NCOA1: variants seen among roughly 807,000 people sequenced by gnomAD.
The protein encoded by NCOA1 is Hin-2 protein.
In NCOA1, 35 loss-of-function variants were observed where a neutral mutation model predicts 150.9. The ratio of observed to expected loss-of-function variants is 0.23; its 90% CI spans 0.18 to 0.31. NCOA1 has a LOEUF of 0.31. Among genes scored for constraint, NCOA1 ranks in the 10% least tolerant of loss-of-function variants. The pLI is 1.00. For synonymous variants in NCOA1, 590 were observed against 630.0 expected (o/e 0.94, Z 0.95); for missense variants, 1,491 against 1,749.3 (o/e 0.85, Z 2.63).
At chr2:24,540,928 A>G (rs569723259) in intron 1 of NCOA1, among the ~76,000 whole-genome samples, 1 of 152,304 alleles carries the variant, frequency 6.6e-6, no homozygotes, top group Non-Finnish European at 1.5e-5. Flanking sequence ...TGATTGGTTG[A>G]GTGGAGAGAT....
At chr2:24,756,754 A>G (rs930553967) in intron 20 of NCOA1, among the ~76,000 whole-genome samples, 2 of 152,198 alleles carry the variant, frequency 1.3e-5, no homozygotes, top group African/African-American at 4.8e-5. Context: ...ATCTGTATCA[A>G]TGAAAATTTT....
At chr2:24,710,218 C>G (rs1346787947) in intron 13 of NCOA1, among the ~76,000 whole-genome samples, 1 of 152,088 alleles carries the variant, frequency 6.6e-6, no homozygotes, top group Non-Finnish European at 1.5e-5. Context: ...CTCAGCCCCA[C>G]TAGTAGCTGG....
At chr2:24,731,219 A>G (rs1662995470) in intron 17 of NCOA1, among the ~76,000 whole-genome samples, 1 of 152,202 alleles carries the variant, frequency 6.6e-6, no homozygotes. Context: ...AGAAGGAGAT[A>G]AATTATACTG....
chr2:24,602,392 G>A (rs1188403030), intron 3 of NCOA1, among the ~76,000 whole-genome samples: 1 of 151,924 alleles, frequency 6.6e-6, no homozygotes, highest in East Asian at 1.9e-4. Context: ...GTAGATATGG[G>A]GTCTCACCAT....
At position 24,728,239 on chromosome 2, in the gene NCOA1, A is replaced by G. The variant is rs1055578255; in HGVS notation, c.2718-69A>G. 3.6e-6 allele frequency: 5 copies of G among 1,388,324 alleles called. No homozygotes were observed. The South Asian group carries it at 4.4e-5, about 12-fold the overall frequency. 86.0% of individuals were successfully genotyped at this position (1,388,324 alleles called of 1,614,324 possible). On this transcript the variant is annotated intron_variant, in intron 15 of 22. Transcript: ENST00000348332. ...TCTAAGACCAAATTTGCATCTATAT[A>G]TGTATATAAAGATTGAATAAATTAT... is the stretch of plus-strand genomic sequence containing the variant.
intron 3 of NCOA1, among the ~76,000 whole-genome samples, chr2:24,627,994 A>C (rs1669508829): frequency 6.6e-6 from 1 of 152,250 alleles, no homozygotes; most frequent in South Asian, 2.1e-4. Flanking sequence ...TCTGTGCCTA[A>C]TTCCTTATAT....
chr2:24,730,939 G>A (rs1160750328), intron 17 of NCOA1, among the ~76,000 whole-genome samples: 1 of 148,752 alleles, frequency 6.7e-6, no homozygotes, highest in Non-Finnish European at 1.5e-5. Context: ...TCTGGAGGTT[G>A]AGGCAGGAGA....
intron 1 of NCOA1, among the ~76,000 whole-genome samples, chr2:24,543,249 G>GA (rs1241449427): frequency 1.3e-5 from 2 of 152,136 alleles, no homozygotes; most frequent in Non-Finnish European, 2.9e-5. Context: ...GGAAGCAAGA[G>GA]AATTCTAGGA....
chr2:24,714,498 AC>A (rs1673918762), intron 14 of NCOA1, among the ~76,000 whole-genome samples: 1 of 150,954 alleles, frequency 6.6e-6, no homozygotes, highest in South Asian at 2.1e-4. Context: ...GATATAAACT[AC>A]AAAAAAAAAG....
At chr2:24,703,809 T>C (rs1265727858) in intron 11 of NCOA1, among the ~76,000 whole-genome samples, 1 of 152,202 alleles carries the variant, frequency 6.6e-6, no homozygotes, top group African/African-American at 2.4e-5. Context: ...TTTAAGCCTC[T>C]TTCTCATGGC....
intron 3 of NCOA1, among the ~76,000 whole-genome samples, chr2:24,600,596 A>T (rs548065234): frequency 6.6e-6 from 1 of 152,308 alleles, no homozygotes; most frequent in African/African-American, 2.4e-5. Flanking sequence ...TTATTTGCAC[A>T]TAGTCCTGAC....
chr2:24,734,004 G>A (rs553750447), intron 17 of NCOA1, among the ~76,000 whole-genome samples: 11 of 152,080 alleles, frequency 7.2e-5, no homozygotes, highest in African/African-American at 2.7e-4. Context: ...GGCCAACATG[G>A]TGAAGCCCCG....
intron 3 of NCOA1, among the ~76,000 whole-genome samples, chr2:24,593,794 A>G (rs2148340235): frequency 6.6e-6 from 1 of 152,266 alleles, no homozygotes; most frequent in Non-Finnish European, 1.5e-5. Context: ...GTATTCACAT[A>G]TGAAGTCTGC....
chr2:24,753,618 A>C (rs991767789), intron 20 of NCOA1, among the ~76,000 whole-genome samples: 1 of 152,178 alleles, frequency 6.6e-6, no homozygotes, highest in Non-Finnish European at 1.5e-5. Context: ...TCTTTCTTGA[A>C]GCTCTTCATT....
intron 10 of NCOA1, among the ~76,000 whole-genome samples, chr2:24,694,130 C>G (rs1278588360): frequency 6.6e-6 from 1 of 152,172 alleles, no homozygotes. Context: ...AGGAGAGCCT[C>G]AAACTGAGTA....
intron 3 of NCOA1, among the ~76,000 whole-genome samples, chr2:24,641,348 A>G (rs1001921575): frequency 2.0e-5 from 3 of 151,618 alleles, no homozygotes; most frequent in Non-Finnish European, 4.4e-5. Context: ...CTTTTAAAGA[A>G]AATACATACT....
chr2:24,691,362 G>C lies in NCOA1; in HGVS notation c.533-119G>C, dbSNP rs1031788556. The C allele has an allele frequency of 3.5e-6, 3 of 857,542 alleles. No individual in the cohort carries two copies. The African/African-American group carries it at 5.0e-5, about 14-fold the overall frequency. The allele number at this position is 857,542 out of a possible 1,614,324, so 53.1% of individuals were successfully genotyped here. ...GATAATGTTAGATCTGAAGAGGTCA[G>C]TCTGTCTTTTAATCTGAGTATCTAA... On this transcript the variant is annotated intron_variant, in intron 8 of 22. Coordinates refer to ENST00000348332, the MANE Select transcript of NCOA1 (RefSeq NM_003743.5).
At chr2:24,583,693 A>G (rs1428456155) in intron 2 of NCOA1, among the ~76,000 whole-genome samples, 1 of 152,210 alleles carries the variant, frequency 6.6e-6, no homozygotes, top group African/African-American at 2.4e-5. Flanking sequence ...TATATACAGA[A>G]TGGAATACTA....
At chr2:24,569,500 T>A (rs879722295) in intron 2 of NCOA1, among the ~76,000 whole-genome samples, 65 of 150,842 alleles carry the variant, frequency 4.3e-4, no homozygotes, top group Admixed American at 9.3e-4. Context: ...CGGTGCAAAA[T>A]AATTCAACCT....
Sources: gnomAD v4.1 joint callset for allele counts (sites outside exome capture counted in the v4.1 genomes callset) on GRCh38, gnomAD v4.1.1 for gene constraint, MANE v1.5 for transcripts, NCBI Gene and HGNC (gene_info 2026-07-23, HGNC 2026-07-21) for gene names.